FAM227A: variants seen among roughly 807,000 people sequenced by gnomAD.
The protein encoded by FAM227A is family with sequence similarity 227 member A, also known as protein FAM227A.
Under a neutral mutation model 74.7 loss-of-function variants are expected in FAM227A, and 80 were observed. The observed-to-expected ratio is 1.07, with a 90% CI of 0.89 to 1.29. The LOEUF (loss-of-function observed/expected upper bound fraction) is 1.29, where lower values mean the gene tolerates loss of function less well. FAM227A is among the 50% of genes most tolerant of loss of function. The pLI, the probability that FAM227A is intolerant of heterozygous loss-of-function variation, is 0.00. For synonymous variants in FAM227A, 237 were observed against 241.8 expected, an observed-to-expected ratio of 0.98 and a Z score of 0.19; for missense variants, 654 against 683.4, an observed-to-expected ratio of 0.96 and a Z score of 0.48.
At chr22:38,628,122 T>C (rs1172816356) in intron 8 of FAM227A, 116 bp downstream of exon 8, 1 of 679,326 alleles carries the variant, frequency 1.5e-6, no homozygotes, top group African/African-American at 1.8e-5. Flanking sequence ...AGTGTATGGA[T>C]TATGACAATT....
intron 6 of FAM227A, among the ~76,000 whole-genome samples, chr22:38,633,598 G>A (rs2091951479): frequency 6.6e-6 from 1 of 152,198 alleles, no homozygotes; most frequent in African/African-American, 2.4e-5. Flanking sequence ...CTGGAGTGCA[G>A]TAGTGCCATC....
At chr22:38,591,327 A>C in intron 16 of FAM227A, 108 bp downstream of exon 16, 1 of 1,429,234 alleles carries the variant, frequency 7.0e-7, no homozygotes. Context: ...TGTCTCAGTA[A>C]AATAAAATAA....
chr22:38,597,008 G>GAA (rs35623128), intron 15 of FAM227A, among the ~76,000 whole-genome samples, 196 bp downstream of exon 15: 1 of 148,024 alleles, frequency 6.8e-6, no homozygotes, highest in Non-Finnish European at 1.5e-5. Flanking sequence ...TTTGTAGTTA[G>GAA]AAAAAAAAAA....
chr22:38,604,612 C>G (rs1457231240), intron 13 of FAM227A, among the ~76,000 whole-genome samples: 1 of 152,148 alleles, frequency 6.6e-6, no homozygotes, highest in African/African-American at 2.4e-5. Context: ...CCAGGCAGAT[C>G]TGCATGCAAA....
At position 38,644,681 on chromosome 22, in the gene FAM227A, C is replaced by G. The variant is rs759459091; in HGVS notation, c.225+882G>C. On this transcript the variant is annotated intron_variant, in intron 3 of 16. Transcript: ENST00000535113. ...TCCGTTAATTCTAACTAATGTGCCA[C>G]TATCTTATGGAATGTCAACAGTGGG... Among the ~76,000 whole-genome samples the G allele has an allele frequency of 4.6e-5, 7 of 152,340 alleles. No individual in the cohort carries two copies. The East Asian group carries it at 5.8e-4, about 13-fold the overall frequency.
intron 11 of FAM227A, among the ~76,000 whole-genome samples, chr22:38,617,538 G>A (rs999275167): frequency 1.3e-5 from 2 of 152,082 alleles, no homozygotes; most frequent in Non-Finnish European, 2.9e-5. Flanking sequence ...CTTGTAATCC[G>A]CCTGCCTTGG....
chr22:38,636,320 A>T (rs940250192), intron 6 of FAM227A, 131 bp downstream of exon 6: 9 of 977,058 alleles, frequency 9.2e-6, no homozygotes, highest in African/African-American at 1.7e-5. Context: ...TAGGGTTCCT[A>T]GCTCAGCTCA....
At position 38,585,998 on chromosome 22, in the gene FAM227A, A is replaced by G. The variant is rs757758700; in HGVS notation, c.*127T>C. ...AAAACTACAACGGAATCCTTCCCCT[A>G]TGGAGAAATCATGATTCCTATTTCT... On this transcript the variant is annotated 3_prime_UTR_variant, in exon 17 of 17. Coordinates refer to ENST00000535113, the MANE Select transcript of FAM227A (RefSeq NM_001013647.2). The G allele has an allele frequency of 3.6e-5, 55 of 1,536,776 alleles. No individual in the cohort carries two copies. The highest frequency in any genetic ancestry group is 6.1e-5 in the South Asian group (5 of 82,198).
At chr22:38,650,641 G>C (rs900509246) in intron 1 of FAM227A, among the ~76,000 whole-genome samples, 2 of 152,132 alleles carry the variant, frequency 1.3e-5, no homozygotes, top group African/African-American at 4.8e-5. Flanking sequence ...AAGAGATTTG[G>C]ATTAGGTGAC....
intron 3 of FAM227A, among the ~76,000 whole-genome samples, chr22:38,642,368 A>G (rs2092136002): frequency 6.6e-6 from 1 of 152,194 alleles, no homozygotes; most frequent in South Asian, 2.1e-4. Context: ...CAGCCATCAC[A>G]AAAATGAACT....
At chr22:38,631,683 C>T (rs887570399) in intron 6 of FAM227A, among the ~76,000 whole-genome samples, 2 of 152,050 alleles carry the variant, frequency 1.3e-5, no homozygotes, top group Non-Finnish European at 2.9e-5. Context: ...GCACTGGGTG[C>T]AGGTGGCGAA....
chr22:38,607,108 C>T (rs1602917522), intron 12 of FAM227A, among the ~76,000 whole-genome samples: 1 of 140,174 alleles, frequency 7.1e-6, no homozygotes, highest in South Asian at 2.3e-4. Context: ...ACCTGGGAGG[C>T]GGAGGCTGCA....
chr22:38,654,347 C>CA (rs1192444402), intron 1 of FAM227A, among the ~76,000 whole-genome samples: 4 of 146,692 alleles, frequency 2.7e-5, no homozygotes, highest in South Asian at 2.2e-4. Flanking sequence ...AACTCGGTCT[C>CA]AAAAAAAAAG....
In FAM227A at chr22:38,626,188, C is replaced by T; in HGVS notation, c.842G>A (p.Trp281Ter). The T allele has an allele frequency of 1.3e-6, 2 of 1,551,238 alleles. No homozygotes were observed. The highest frequency in any genetic ancestry group is 1.7e-6 in the Non-Finnish European group (2 of 1,146,820). Reference sequence around the variant, plus strand: ...AAAAAGTCACCTCTCACCTGAAATCCACAGGCTCATTGTGTTACAGATGTC... The same window carrying T: ...AAAAAGTCACCTCTCACCTGAAATCTACAGGCTCATTGTGTTACAGATGTC... ...KSDICNTMSL[W>*]ISGTYPSPQS... The change falls in exon 9 of 17, where the codon TGG becomes TAG. Residue 281 changes from tryptophan (W) to a stop codon, truncating the protein, a stop_gained. Coordinates refer to ENST00000535113, the MANE Select transcript of FAM227A (RefSeq NM_001013647.2). LOFTEE classifies it high-confidence loss of function.
intron 11 of FAM227A, among the ~76,000 whole-genome samples, chr22:38,616,135 A>G (rs2091570344): frequency 6.6e-6 from 1 of 152,156 alleles, no homozygotes; most frequent in African/African-American, 2.4e-5. Context: ...GAGAAGATGG[A>G]GAGGGGTCAG....
At chr22:38,638,404 G>A (rs540557512) in intron 5 of FAM227A, among the ~76,000 whole-genome samples, 1 of 152,282 alleles carries the variant, frequency 6.6e-6, no homozygotes, top group East Asian at 1.9e-4. Flanking sequence ...ACTAGCATGG[G>A]GTGTGACTCA....
At chr22:38,640,013 G>A (rs527739622) in intron 3 of FAM227A, among the ~76,000 whole-genome samples, 3 of 152,016 alleles carry the variant, frequency 2.0e-5, no homozygotes, top group African/African-American at 7.2e-5. Flanking sequence ...GTAAAAGGGG[G>A]ATAATAATAT....
chr22:38,640,524 G>A (rs1603049856), intron 3 of FAM227A, among the ~76,000 whole-genome samples: 1 of 152,214 alleles, frequency 6.6e-6, no homozygotes, highest in South Asian at 2.1e-4. Context: ...AAGGAAGACA[G>A]AAAAATGAAT....
At chr22:38,626,889 A>AAAAAATATAT (rs2091817048) in intron 8 of FAM227A, among the ~76,000 whole-genome samples, 1 of 86,538 alleles carries the variant, frequency 1.2e-5, no homozygotes, top group African/African-American at 5.6e-5. Context: ...AAAAAAAAAA[A>AAAAAATATAT]AAATATATAT....
Sources: allele counts gnomAD v4.1 joint callset (sites outside exome capture counted in the v4.1 genomes callset), GRCh38; gene constraint gnomAD v4.1.1; transcripts MANE v1.5; gene names NCBI Gene and HGNC (gene_info 2026-07-23, HGNC 2026-07-21).